The following MSI2 variants were observed in gnomAD, a reference collection of about 807,000 sequenced individuals.
MSI2 encodes RNA-binding protein Musashi homolog 2.
MSI2 carries 17 observed loss-of-function variants against 45.6 expected under a neutral mutation model. That is an observed-to-expected ratio of 0.37 (90% confidence interval 0.26 to 0.56). The LOEUF (loss-of-function observed/expected upper bound fraction) is 0.56, where lower values mean the gene tolerates loss of function less well. MSI2 is among the 20% of genes least tolerant of loss of function. The pLI is 0.77. For synonymous variants in MSI2, 156 were observed against 158.2 expected, an observed-to-expected ratio of 0.99 and a Z score of 0.11; for missense variants, 293 against 444.2, an observed-to-expected ratio of 0.66 and a Z score of 3.06.
At chr17:57,655,979 A>G (rs1026336576) in intron 11 of MSI2, among the ~76,000 whole-genome samples, 9 of 152,098 alleles carry the variant, frequency 5.9e-5, no homozygotes, top group Non-Finnish European at 1.0e-4. Flanking sequence ...CTTAGATTGT[A>G]TGTATCTGTG....
At chr17:57,422,953 G>A (rs1383327926) in intron 6 of MSI2, among the ~76,000 whole-genome samples, 1 of 152,120 alleles carries the variant, frequency 6.6e-6, no homozygotes, top group Non-Finnish European at 1.5e-5. Context: ...ACTGGTCTCT[G>A]GACTGGTGAC....
At chr17:57,575,295 G>A (rs1443075172) in intron 7 of MSI2, among the ~76,000 whole-genome samples, 2 of 152,026 alleles carry the variant, frequency 1.3e-5, no homozygotes, top group Admixed American at 1.3e-4. Flanking sequence ...AGTTTCTGTG[G>A]CATCATTTGC....
intron 5 of MSI2, among the ~76,000 whole-genome samples, chr17:57,382,248 G>T (rs896141247): frequency 6.6e-6 from 1 of 152,178 alleles, no homozygotes; most frequent in Admixed American, 6.5e-5. Context: ...CTTACTTTCT[G>T]GTAGGAGGGG....
chr17:57,257,940 G>A (rs1446172283), intron 3 of MSI2, among the ~76,000 whole-genome samples: 1 of 151,964 alleles, frequency 6.6e-6, no homozygotes, highest in East Asian at 1.9e-4. Flanking sequence ...TCTCTTCTAA[G>A]TGCCGGGCTT....
chr17:57,502,602 G>GATAGATAT lies in MSI2; in HGVS notation c.406-27071_406-27070insGATATATA, dbSNP rs1190802566. Among the ~76,000 whole-genome samples, 29 of 54,410 alleles carry GATAGATAT rather than the reference G, an allele frequency of 5.3e-4. 1 individual carries two copies. The highest frequency in any genetic ancestry group is 3.4e-3 in the East Asian group (4 of 1,172). 35.7% of individuals were successfully genotyped at this position (54,410 alleles called of 152,430 possible). On this transcript the variant is annotated intron_variant, in intron 6 of 13. Transcript: ENST00000284073. The stretch of plus-strand genomic sequence containing the variant: ...CAGGGAATGGAGAAGATGACTCTGA[G>GATAGATAT]ATATATATATATATATATATATATA...
chr17:57,672,238 G>A (rs1912849387), intron 11 of MSI2, among the ~76,000 whole-genome samples: 1 of 152,230 alleles, frequency 6.6e-6, no homozygotes, highest in Admixed American at 6.5e-5. Flanking sequence ...TCTCCACGGT[G>A]ATTTTAGTGT....
intron 6 of MSI2, among the ~76,000 whole-genome samples, chr17:57,503,481 A>G (rs2086160497): frequency 6.6e-6 from 1 of 152,264 alleles, no homozygotes; most frequent in Admixed American, 6.5e-5. Context: ...TGTATTAAAA[A>G]ATAAGAGGTT....
chr17:57,287,686 T>G (rs1910042176), intron 5 of MSI2, among the ~76,000 whole-genome samples: 1 of 152,166 alleles, frequency 6.6e-6, no homozygotes, highest in Non-Finnish European at 1.5e-5. Context: ...CCTGCCTGGT[T>G]GAAACCTTCG....
chr17:57,632,544 C>A, intron 10 of MSI2: 3 of 1,067,102 alleles, frequency 2.8e-6, no homozygotes, highest in Non-Finnish European at 3.4e-6. Context: ...CTGTGCTGGC[C>A]TGGCCTTGCC....
At chr17:57,667,623 G>A (rs1912465916) in intron 11 of MSI2, among the ~76,000 whole-genome samples, 2 of 152,218 alleles carry the variant, frequency 1.3e-5, no homozygotes, top group South Asian at 4.1e-4. Context: ...AACAAGCCCA[G>A]TCCCTCAGGG....
intron 5 of MSI2, among the ~76,000 whole-genome samples, chr17:57,378,914 G>A (rs1466149995): frequency 3.9e-5 from 6 of 152,104 alleles, no homozygotes; most frequent in Admixed American, 2.6e-4. Flanking sequence ...TTCTCACAGC[G>A]ACATGGGCCC....
intron 8 of MSI2, among the ~76,000 whole-genome samples, chr17:57,612,915 C>T (rs1907311487): frequency 6.6e-6 from 1 of 152,082 alleles, no homozygotes; most frequent in South Asian, 2.1e-4. Context: ...TCTGCCTGTG[C>T]GAGACACGCC....
intron 5 of MSI2, among the ~76,000 whole-genome samples, chr17:57,311,001 A>T (rs2143605175): frequency 6.6e-6 from 1 of 152,366 alleles, no homozygotes; most frequent in South Asian, 2.1e-4. Context: ...GGTTATACTC[A>T]TTTGACAACG....
Position 57,683,939 on chromosome 17 carries a change from T to C in MSI2, c.*4422T>C, listed in dbSNP as rs1913770634. 1 of 230,298 alleles carries C rather than the reference T, an allele frequency of 4.3e-6. No homozygotes were observed. The highest frequency in any genetic ancestry group is 8.6e-6 in the Non-Finnish European group (1 of 116,248). 14.3% of individuals were successfully genotyped at this position (230,298 alleles called of 1,614,324 possible). ...TTGTTTTCTTTTTCTTTCTTTTTTT[T>C]CTACCAAAAAAAAGTAAGTAAACTA... On this transcript the variant is annotated 3_prime_UTR_variant, in exon 14 of 14. Transcript: ENST00000284073. This position sits in a 1 kb window ranked among gnomAD's most constrained non-coding sequence, Gnocchi z 5.2.
At chr17:57,466,012 C>T (rs909422755) in intron 6 of MSI2, among the ~76,000 whole-genome samples, 1 of 152,108 alleles carries the variant, frequency 6.6e-6, no homozygotes, top group Non-Finnish European at 1.5e-5. Context: ...TGAAATTGGA[C>T]CTCAGAGGGA....
At chr17:57,615,731 G>A (rs1008843226) in intron 8 of MSI2, among the ~76,000 whole-genome samples, 6 of 152,140 alleles carry the variant, frequency 3.9e-5, no homozygotes, top group South Asian at 2.1e-4. Flanking sequence ...TGCAGCTTAC[G>A]TCCTTGCCAC....
chr17:57,293,305 A>G (rs747359549), intron 5 of MSI2, among the ~76,000 whole-genome samples: 3 of 151,818 alleles, frequency 2.0e-5, no homozygotes, highest in Non-Finnish European at 4.4e-5. Flanking sequence ...GGAGTATGAA[A>G]CCACCAAGAG....
intron 11 of MSI2, among the ~76,000 whole-genome samples, chr17:57,670,636 T>C (rs915019798): frequency 1.5e-4 from 23 of 152,356 alleles, no homozygotes; most frequent in African/African-American, 4.1e-4. Context: ...CTTGCTTTTC[T>C]GGTCCCCATT....
chr17:57,678,819 G>A (rs369218945), intron 13 of MSI2, among the ~76,000 whole-genome samples: 209 of 152,338 alleles, frequency 1.4e-3, no homozygotes, highest in African/African-American at 4.7e-3. Flanking sequence ...TGAGCTCATA[G>A]AGTCAGATGG....
Sources: allele counts gnomAD v4.1 joint callset (sites outside exome capture counted in the v4.1 genomes callset), GRCh38; gene constraint gnomAD v4.1.1; non-coding constraint Gnocchi (gnomAD v3.1); transcripts MANE v1.5; gene names NCBI Gene and HGNC (gene_info 2026-07-23, HGNC 2026-07-21).